The following GNB1L variants were observed in gnomAD, a reference collection of about 807,000 sequenced individuals.
GNB1L encodes guanine nucleotide-binding protein subunit beta-like protein 1.
In GNB1L, 20 loss-of-function variants were observed where a neutral mutation model predicts 29.1. That is an observed-to-expected ratio of 0.69 (90% CI 0.48 to 1.00). The LOEUF (loss-of-function observed/expected upper bound fraction) is 1.00, where lower values mean the gene tolerates loss of function less well. Ranked by LOEUF, GNB1L falls within the 50% of genes least tolerant of loss-of-function variation. The pLI, the probability that GNB1L is intolerant of heterozygous loss-of-function variation, is 0.00. For synonymous variants in GNB1L, 193 were observed against 206.5 expected (o/e 0.93, Z 0.56); for missense variants, 421 against 464.9 (o/e 0.91, Z 0.87).
At position 19,788,898 on chromosome 22, in the gene GNB1L, G is replaced by C. The variant is rs2145857803; in HGVS notation, c.795C>G (p.Arg265=). ...GIAEVTIRPD[R]KILATAGWDH... ...CCCAGCCTGCGGTGGCCAGGATCTTGCGATCTGGCCGGATCGTGACCTCGG... is the reference window on the plus strand; with the variant it reads ...CCCAGCCTGCGGTGGCCAGGATCTTCCGATCTGGCCGGATCGTGACCTCGG... The change falls in exon 8 of 8, where the codon CGC becomes CGG. Residue 265 remains arginine (R), a synonymous_variant. Transcript: ENST00000329517. 1.2e-6 allele frequency: 2 copies of C among 1,612,692 alleles called. No homozygotes were observed. Among genetic ancestry groups the C allele is most frequent in the East Asian group, 2.2e-5 (1 of 44,870 alleles).
Position 19,784,845 on chromosome 22 carries a change from CG to C in GNB1L, c.*3863del, listed in dbSNP as rs900716317. 3 of 152,262 alleles carry C rather than the reference CG, an allele frequency of 2.0e-5. No homozygotes were observed. The highest frequency in any genetic ancestry group is 6.5e-5 in the Admixed American group (1 of 15,288). 9.4% of individuals were successfully genotyped at this position (152,262 alleles called of 1,614,324 possible). A position where few individuals can be genotyped will look rare whatever the true frequency, so the allele number is the denominator to read the frequency against. On this transcript the variant is annotated 3_prime_UTR_variant, in exon 8 of 8. Transcript: ENST00000329517. ...CAGCGGCTGGGGATGCTGGAGCATA[CG>C]GCTCCAGCCACTCAGGATCCCACTC... is the stretch of plus-strand genomic sequence containing the variant.
intron 5 of GNB1L, among the ~76,000 whole-genome samples, chr22:19,810,428 T>C (rs1465914644): frequency 2.0e-5 from 3 of 151,948 alleles, no homozygotes; most frequent in Admixed American, 6.5e-5. Context: ...GCAGCCCTGA[T>C]GCCCCACTCT....
chr22:19,834,359 T>A (rs1937729142), intron 2 of GNB1L, among the ~76,000 whole-genome samples: 1 of 152,166 alleles, frequency 6.6e-6, no homozygotes, highest in Admixed American at 6.5e-5. Flanking sequence ...AAATGAGAAT[T>A]TCTTGCCTAC....
chr22:19,799,095 C>T (rs1474444095), intron 7 of GNB1L, among the ~76,000 whole-genome samples: 1 of 152,346 alleles, frequency 6.6e-6, no homozygotes, highest in East Asian at 1.9e-4. Context: ...GATGGGAGCG[C>T]AGCTGGGACA....
chr22:19,848,676 T>C, intron 2 of GNB1L: 1 of 985,480 alleles, frequency 1.0e-6, no homozygotes, highest in South Asian at 4.7e-5. Context: ...CTCTCAAGCC[T>C]GCCTAGGTGG....
chr22:19,817,451 AG>A (rs1197083690), intron 4 of GNB1L, among the ~76,000 whole-genome samples: 2 of 152,180 alleles, frequency 1.3e-5, no homozygotes, highest in Non-Finnish European at 2.9e-5. Context: ...ACTGCACTCC[AG>A]CCTGGCAACA....
Position 19,816,588 on chromosome 22 carries a change from C to A in GNB1L, c.254+4010G>T, listed in dbSNP as rs1937525331. On this transcript the variant is annotated intron_variant, in intron 4 of 7. Coordinates refer to ENST00000329517, the MANE Select transcript of GNB1L (RefSeq NM_053004.3). The surrounding 1 kb of genome is among the most constrained non-coding windows in gnomAD (Gnocchi z 4.4). ...ACACGGGCTAGGGAACACACACATGCCTCACATGCATGCACACAACACACA... is the reference window on the plus strand; with the variant it reads ...ACACGGGCTAGGGAACACACACATGACTCACATGCATGCACACAACACACA... 6.6e-6 allele frequency among the ~76,000 whole-genome samples: 1 copy of A among 152,100 alleles called. No homozygotes were observed. Among genetic ancestry groups the A allele is most frequent in the African/African-American group, 2.4e-5 (1 of 41,412 alleles).
chr22:19,821,697 C>T (rs545711093), intron 2 of GNB1L, among the ~76,000 whole-genome samples: 3 of 152,222 alleles, frequency 2.0e-5, no homozygotes, highest in African/African-American at 4.8e-5. Context: ...CTGGTGCACC[C>T]GCTTGGGCCC....
At position 19,783,304 on chromosome 22, in the gene GNB1L, C is replaced by T; in HGVS notation, c.*5405G>A. On this transcript the variant is annotated 3_prime_UTR_variant, in exon 8 of 8. Transcript: ENST00000329517. ...AATGACTCGATTTCTCTACACCCCA[C>T]ATTTTACAGGTTTCAGAGCCCAAGT... The T allele has an allele frequency of 2.3e-6, 1 of 427,606 alleles. No individual in the cohort carries two copies. Among genetic ancestry groups the T allele is most frequent in the Admixed American group, 3.5e-5 (1 of 28,654 alleles). 26.5% of individuals were successfully genotyped at this position (427,606 alleles called of 1,614,324 possible). A position where few individuals can be genotyped will look rare whatever the true frequency, so the allele number is the denominator to read the frequency against.
intron 2 of GNB1L, among the ~76,000 whole-genome samples, chr22:19,829,165 G>A (rs751855648): frequency 3.7e-4 from 57 of 152,290 alleles, no homozygotes; most frequent in Non-Finnish European, 7.4e-4. Context: ...GTCAGATCAC[G>A]TGGACAATAA....
chr22:19,828,810 G>C (rs1601341677), intron 2 of GNB1L, among the ~76,000 whole-genome samples: 1 of 151,410 alleles, frequency 6.6e-6, no homozygotes, highest in African/African-American at 2.4e-5. Flanking sequence ...CTAGTGATTG[G>C]AGAATATGAC....
intron 2 of GNB1L, among the ~76,000 whole-genome samples, chr22:19,822,797 G>A (rs1030784189): frequency 3.3e-5 from 5 of 152,226 alleles, no homozygotes; most frequent in African/African-American, 1.2e-4. Flanking sequence ...CAGGTTCAGA[G>A]GCAGGAGTGC....
At chr22:19,838,956 T>C (rs900702661) in intron 2 of GNB1L, among the ~76,000 whole-genome samples, 4 of 152,162 alleles carry the variant, frequency 2.6e-5, no homozygotes, top group Non-Finnish European at 4.4e-5. Flanking sequence ...AATGACCATC[T>C]ATGGATGAAT....
chr22:19,841,998 C>T (rs1937870049), intron 2 of GNB1L, among the ~76,000 whole-genome samples: 1 of 152,210 alleles, frequency 6.6e-6, no homozygotes, highest in South Asian at 2.1e-4. Context: ...CTGAGGCAGG[C>T]ACACAGGTGG....
intron 2 of GNB1L, chr22:19,847,804 C>CAAA (rs34331843): frequency 1.2e-3 from 736 of 611,336 alleles, no homozygotes; most frequent in Middle Eastern, 2.8e-3. Flanking sequence ...GAATCATAGG[C>CAAA]AAAAAAAAAA....
intron 2 of GNB1L, chr22:19,851,144 C>A: frequency 6.4e-7 from 1 of 1,566,532 alleles, no homozygotes; most frequent in Non-Finnish European, 8.7e-7. Flanking sequence ...TGAGGGGCAG[C>A]ATTGTTCCCA....
rs1937213112 is a variant in GNB1L, at chr22:19,788,535, G to C, written c.*174C>G. On this transcript the variant is annotated 3_prime_UTR_variant, in exon 8 of 8. Transcript: ENST00000329517. ...CTGGCCCCCAGAGTCACCGTCCTGT[G>C]ATGAGGCACTCCACAAAAGGAAATA... The C allele has an allele frequency of 1.1e-6, 1 of 873,148 alleles. No homozygotes were observed. Among genetic ancestry groups the C allele is most frequent in the African/African-American group, 1.6e-5 (1 of 60,836 alleles). The allele number at this position is 873,148 out of a possible 1,614,324, so 54.1% of individuals were successfully genotyped here.
intron 7 of GNB1L, among the ~76,000 whole-genome samples, chr22:19,800,081 T>C (rs1415207933): frequency 5.3e-5 from 8 of 152,258 alleles, no homozygotes; most frequent in African/African-American, 1.9e-4. Context: ...AACCACTCCC[T>C]GTTCCTGGTT....
In GNB1L at chr22:19,816,608, C is replaced by T. The variant is rs1339475477; in HGVS notation, c.254+3990G>A. Among the ~76,000 whole-genome samples the T allele has an allele frequency of 2.6e-5, 4 of 152,140 alleles. No homozygotes were observed. In the South Asian group the frequency reaches 6.2e-4, roughly 24 times the overall value. Reference sequence around the variant, plus strand: ...ACATGCCTCACATGCATGCACACAACACACAATCACACACACCACACACCT... The same window carrying T: ...ACATGCCTCACATGCATGCACACAATACACAATCACACACACCACACACCT... On this transcript the variant is annotated intron_variant, in intron 4 of 7. Coordinates refer to ENST00000329517, the MANE Select transcript of GNB1L (RefSeq NM_053004.3). This position sits in a 1 kb window ranked among gnomAD's most constrained non-coding sequence, Gnocchi z 4.4.
Sources: gnomAD v4.1 joint callset for allele counts (sites outside exome capture counted in the v4.1 genomes callset) on GRCh38, gnomAD v4.1.1 for gene constraint, Gnocchi (gnomAD v3.1) non-coding constraint, MANE v1.5 for transcripts, NCBI Gene and HGNC (gene_info 2026-07-23, HGNC 2026-07-21) for gene names.